RAB3A: variants seen among roughly 807,000 people sequenced by gnomAD.
RAB3A encodes the protein ras-related protein Rab-3A.
A neutral mutation model predicts 19.7 loss-of-function variants in RAB3A; 5 were observed. That is an observed-to-expected ratio of 0.25 (90% CI 0.13 to 0.53). The LOEUF (loss-of-function observed/expected upper bound fraction) is 0.53. Among genes scored for constraint, RAB3A ranks in the 20% least tolerant of loss-of-function variants. The probability of loss-of-function intolerance (pLI) is 0.95; values close to 1 mark genes in which losing one functional copy is unlikely to be tolerated. For synonymous variants in RAB3A, 119 were observed against 122.1 expected, an observed-to-expected ratio of 0.97 and a Z score of 0.17; for missense variants, 189 against 305.6, an observed-to-expected ratio of 0.62 and a Z score of 2.85.
Position 18,197,720 on chromosome 19 carries a change from A to G in RAB3A, c.473-60T>C, listed in dbSNP as rs900375729. ...CCACGCCCTATGCCAACTCCCAGAGATGCTTCTCTGAGGAAAGGGAACACC... is the reference window on the plus strand; with the variant it reads ...CCACGCCCTATGCCAACTCCCAGAGGTGCTTCTCTGAGGAAAGGGAACACC... On this transcript the variant is annotated intron_variant, in intron 4 of 4. Transcript: ENST00000222256. 75 of 1,439,594 alleles carry G rather than the reference A, an allele frequency of 5.2e-5. No individual in the cohort carries two copies. In the Middle Eastern group the frequency reaches 8.6e-4, roughly 16 times the overall value. The allele number at this position is 1,439,594 out of a possible 1,614,324, so 89.2% of individuals were successfully genotyped here.
In RAB3A at chr19:18,198,934, G is replaced by C. The variant is rs962528444; in HGVS notation, c.348-85C>G. The C allele has an allele frequency of 4.6e-6, 7 of 1,507,900 alleles. No homozygotes were observed. In the African/African-American group the frequency reaches 9.7e-5, roughly 21 times the overall value. The allele number at this position is 1,507,900 out of a possible 1,614,324, so 93.4% of individuals were successfully genotyped here. On this transcript the variant is annotated intron_variant, in intron 3 of 4. Coordinates refer to ENST00000222256, the MANE Select transcript of RAB3A (RefSeq NM_002866.5). ...GGGCTGATGTGGAGCCTGTGTCCTTGTCCGAGGAAGAAAGACCCAGAAGCT... is the reference window on the plus strand; with the variant it reads ...GGGCTGATGTGGAGCCTGTGTCCTTCTCCGAGGAAGAAAGACCCAGAAGCT...
At chr19:18,198,049 C>T (rs1322557188) in intron 4 of RAB3A, among the ~76,000 whole-genome samples, 2 of 151,782 alleles carry the variant, frequency 1.3e-5, no homozygotes, top group Non-Finnish European at 2.9e-5. Flanking sequence ...GGCCTCCTGC[C>T]CTTCCTTCCT....
chr19:18,199,541 T>A (rs963873792), intron 3 of RAB3A, among the ~76,000 whole-genome samples: 1 of 151,940 alleles, frequency 6.6e-6, no homozygotes, highest in African/African-American at 2.4e-5. Flanking sequence ...CCTTTTTTTT[T>A]TGAGACAGAG....
Position 18,200,379 on chromosome 19 carries a change from T to C in RAB3A, c.295A>G (p.Ile99Val), listed in dbSNP as rs927320521. ...TAYYRGAMGF[I>V]LMYDITNEES... is the part of the protein sequence containing the mutation. ...TCGTTGGTGATGTCATACATGAGGA[T>C]GAAGCCCATAGCGCCCCGGTAGTAT... Residue 99 changes from isoleucine (I) to valine (V), a missense_variant, in exon 3 of 5, where the codon ATC (isoleucine) becomes GTC (valine). By Grantham distance (29) the Ile-to-Val change is conservative. Coordinates refer to ENST00000222256, the MANE Select transcript of RAB3A (RefSeq NM_002866.5). 6.2e-7 allele frequency: 1 copy of C among 1,614,118 alleles called. No individual in the cohort carries two copies. Among genetic ancestry groups the C allele is most frequent in the Non-Finnish European group, 8.5e-7 (1 of 1,180,010 alleles).
intron 1 of RAB3A, among the ~76,000 whole-genome samples, chr19:18,203,596 A>G (rs909271533): frequency 6.6e-6 from 1 of 151,990 alleles, no homozygotes. Flanking sequence ...GCAGGCGCGC[A>G]CACGCGTGTG....
At chr19:18,201,341 G>A (rs748670850) in intron 2 of RAB3A, among the ~76,000 whole-genome samples, 1 of 151,868 alleles carries the variant, frequency 6.6e-6, no homozygotes, top group Non-Finnish European at 1.5e-5. Flanking sequence ...CAGCACCTTG[G>A]GAGGCCAAGA....
intron 3 of RAB3A, 152 bp from the exon 4 acceptor site, chr19:18,199,001 C>G (rs1325153311): frequency 2.1e-6 from 2 of 947,844 alleles, no homozygotes; most frequent in Non-Finnish European, 3.0e-6. Flanking sequence ...CCAATGTGCC[C>G]CGCTTTCACC....
chr19:18,202,718 C>T lies in RAB3A; in HGVS notation c.23G>A (p.Arg8His), dbSNP rs367923648. Residue 8 changes from arginine (R) to histidine (H), a missense_variant, in exon 2 of 5, where the codon CGC (arginine) becomes CAC (histidine). By Grantham distance (29) the Arg-to-His change is conservative. Coordinates refer to ENST00000222256, the MANE Select transcript of RAB3A (RefSeq NM_002866.5). This position sits in a 1 kb window ranked among gnomAD's most constrained non-coding sequence, Gnocchi z 4.2. ...ATCCGAGGACTCCTTCTGCCCATAGCGCGAGTCTGTGGCGGATGCCATCTG... is the reference window on the plus strand; with the variant it reads ...ATCCGAGGACTCCTTCTGCCCATAGTGCGAGTCTGTGGCGGATGCCATCTG... MASATDS[R>H]YGQKESSDQN... The T allele has an allele frequency of 9.3e-6, 15 of 1,613,948 alleles. No homozygotes were observed. Among genetic ancestry groups the T allele is most frequent in the Non-Finnish European group, 1.3e-5 (15 of 1,179,988 alleles).
rs199610241 is a variant in RAB3A, at chr19:18,197,455, G to T, written c.*15C>A. On this transcript the variant is annotated 3_prime_UTR_variant, in exon 5 of 5. Coordinates refer to ENST00000222256, the MANE Select transcript of RAB3A (RefSeq NM_002866.5). ...GGGGAAGACAGGGAAGAGGGGAAAG[G>T]GAGTGGGATGGCTCTCAGCAGGCGC... is the stretch of plus-strand genomic sequence containing the variant. 245 of 1,604,080 alleles carry T rather than the reference G, an allele frequency of 1.5e-4. No individual in the cohort carries two copies. In the East Asian group the frequency reaches 5.2e-3, roughly 34 times the overall value.
At chr19:18,198,600 T>C (rs960364189) in intron 4 of RAB3A, 125 bp downstream of exon 4, 4 of 1,255,536 alleles carry the variant, frequency 3.2e-6, no homozygotes, top group Non-Finnish European at 3.3e-6. Context: ...GGCTCCTGGA[T>C]GAAGGCTAGT....
chr19:18,202,307 T>C lies in RAB3A; in HGVS notation c.228+206A>G. On this transcript the variant is annotated intron_variant, in intron 2 of 4. Coordinates refer to ENST00000222256, the MANE Select transcript of RAB3A (RefSeq NM_002866.5). The surrounding 1 kb of genome is among the most constrained non-coding windows in gnomAD (Gnocchi z 4.2). ...CCTCATACATGGAAGAACTTGAAGA[T>C]GGGGAAACTGAGGGACCAGGATTAG... The C allele has an allele frequency of 1.8e-6, 1 of 542,386 alleles. No homozygotes were observed. The highest frequency in any genetic ancestry group is 1.9e-5 in the African/African-American group (1 of 52,800). 33.6% of individuals were successfully genotyped at this position (542,386 alleles called of 1,614,324 possible).
At position 18,198,749 on chromosome 19, in the gene RAB3A, C is replaced by T; in HGVS notation, c.448G>A (p.Gly150Ser). ...CCAAGGTGGTCAGCTAGCTGCCGGC[C>T]ACGTTCTGATGACACCACCCGCTCA... is the stretch of plus-strand genomic sequence containing the variant. ...EDERVVSSER[G>S]RQLADHLGFE... Residue 150 changes from glycine to serine, a missense_variant, in exon 4 of 5, where the codon GGC (glycine) becomes AGC (serine). By Grantham distance (56) the Gly-to-Ser change is moderately conservative (BLOSUM62 0). Coordinates refer to ENST00000222256, the MANE Select transcript of RAB3A (RefSeq NM_002866.5). The T allele has an allele frequency of 6.2e-7, 1 of 1,614,164 alleles. No individual in the cohort carries two copies. Among genetic ancestry groups the T allele is most frequent in the Non-Finnish European group, 8.5e-7 (1 of 1,180,032 alleles).
At chr19:18,197,876 T>TA (rs1199611205) in intron 4 of RAB3A, among the ~76,000 whole-genome samples, 3 of 144,506 alleles carry the variant, frequency 2.1e-5, no homozygotes, top group Non-Finnish European at 3.1e-5. Flanking sequence ...TTTCCTGCTT[T>TA]TTTTTTTTTT....
In RAB3A at chr19:18,197,136, CT is replaced by C; in HGVS notation, c.*333del. On this transcript the variant is annotated 3_prime_UTR_variant, in exon 5 of 5. Transcript: ENST00000222256. ...GGTGTCATCTGGCCCCTCTTCACAA[CT>C]GACAACTGTGGATGGGGGTGAATTT... 3.5e-6 allele frequency: 1 copy of C among 283,284 alleles called. No individual in the cohort carries two copies. The highest frequency in any genetic ancestry group is 6.3e-6 in the Non-Finnish European group (1 of 159,360). The allele number at this position is 283,284 out of a possible 1,614,324, so 17.5% of individuals were successfully genotyped here. A position where few individuals can be genotyped will look rare whatever the true frequency, so the allele number is the denominator to read the frequency against.
In RAB3A at chr19:18,197,722, G is replaced by C; in HGVS notation, c.473-62C>G. On this transcript the variant is annotated intron_variant, in intron 4 of 4. Transcript: ENST00000222256. ...ACGCCCTATGCCAACTCCCAGAGATGCTTCTCTGAGGAAAGGGAACACCTG... is the reference window on the plus strand; with the variant it reads ...ACGCCCTATGCCAACTCCCAGAGATCCTTCTCTGAGGAAAGGGAACACCTG... 8 of 1,419,654 alleles carry C rather than the reference G, an allele frequency of 5.6e-6. No individual in the cohort carries two copies. The South Asian group carries it at 1.1e-4, about 19-fold the overall frequency. The allele number at this position is 1,419,654 out of a possible 1,614,324, so 87.9% of individuals were successfully genotyped here.
At position 18,197,319 on chromosome 19, in the gene RAB3A, A is replaced by AT; in HGVS notation, c.*150dup. 2 of 743,650 alleles carry AT rather than the reference A, an allele frequency of 2.7e-6. No homozygotes were observed. Among genetic ancestry groups the AT allele is most frequent in the Non-Finnish European group, 4.2e-6 (2 of 476,706 alleles). 46.1% of individuals were successfully genotyped at this position (743,650 alleles called of 1,614,324 possible). A position where few individuals can be genotyped will look rare whatever the true frequency, so the allele number is the denominator to read the frequency against. On this transcript the variant is annotated 3_prime_UTR_variant, in exon 5 of 5. Transcript: ENST00000222256. ...GGCCCCTGGGGGACATCTTCAATAA[A>AT]TAAATAAATAGCTACAATAATAAAT... is the stretch of plus-strand genomic sequence containing the variant.
chr19:18,201,263 A>AAAAAAAAAAAAAAAAAAAAG (rs1555819266), intron 2 of RAB3A, among the ~76,000 whole-genome samples: 2 of 121,778 alleles, frequency 1.6e-5, no homozygotes, highest in Non-Finnish European at 3.3e-5. Context: ...AAAAAAAAAA[A>AAAAAAAAAAAAAAAAAAAAG]AAAGAAAGAA....
Position 18,197,515 on chromosome 19 carries a change from C to A in RAB3A, c.618G>T (p.Gln206His), listed in dbSNP as rs1315949754. Residue 206 changes from glutamine to histidine, a missense_variant, in exon 5 of 5, where the codon CAG (glutamine) becomes CAT (histidine). By Grantham distance (24) the Gln-to-His change is conservative. Coordinates refer to ENST00000222256, the MANE Select transcript of RAB3A (RefSeq NM_002866.5). The part of the protein sequence containing the change: ...PAVTGAKQGP[Q>H]LSDQQVPPHQ... Reference sequence around the variant, plus strand: ...GCGGTGGCACCTGCTGGTCACTGAGCTGTGGGCCCTGCTTGGCGCCTGTGA... The same window carrying A: ...GCGGTGGCACCTGCTGGTCACTGAGATGTGGGCCCTGCTTGGCGCCTGTGA... 6.2e-7 allele frequency: 1 copy of A among 1,613,210 alleles called. No individual in the cohort carries two copies. The highest frequency in any genetic ancestry group is 8.5e-7 in the Non-Finnish European group (1 of 1,179,916).
In RAB3A at chr19:18,202,299, C is replaced by T. The variant is rs1186648584; in HGVS notation, c.228+214G>A. On this transcript the variant is annotated intron_variant, in intron 2 of 4. Transcript: ENST00000222256. The surrounding 1 kb of genome is among the most constrained non-coding windows in gnomAD (Gnocchi z 4.2). ...AGCTGAAACCTCATACATGGAAGAA[C>T]TTGAAGATGGGGAAACTGAGGGACC... 7 of 532,436 alleles carry T rather than the reference C, an allele frequency of 1.3e-5. No individual in the cohort carries two copies. The highest frequency in any genetic ancestry group is 1.9e-5 in the African/African-American group (1 of 52,462). 33.0% of individuals were successfully genotyped at this position (532,436 alleles called of 1,614,324 possible).
Sources: allele counts gnomAD v4.1 joint callset (sites outside exome capture counted in the v4.1 genomes callset), GRCh38; gene constraint gnomAD v4.1.1; non-coding constraint Gnocchi (gnomAD v3.1); transcripts MANE v1.5; gene names NCBI Gene and HGNC (gene_info 2026-07-23, HGNC 2026-07-21).